GSK3B: variants seen among roughly 807,000 people sequenced by gnomAD.
The protein encoded by GSK3B is glycogen synthase kinase 3 beta.
GSK3B carries 15 observed loss-of-function variants against 56.4 expected under a neutral mutation model. That is an observed-to-expected ratio of 0.27 (90% CI 0.18 to 0.41). GSK3B has a LOEUF of 0.41. GSK3B is among the 10% of genes least tolerant of loss of function. The pLI is 1.00. For missense variants in GSK3B, 300 were observed against 513.4 expected, an observed-to-expected ratio of 0.58 and a Z score of 4.02; for synonymous variants, 181 against 188.9, an observed-to-expected ratio of 0.96 and a Z score of 0.34.
chr3:119,893,495 T>C (rs1041240895), intron 7 of GSK3B, among the ~76,000 whole-genome samples: 12 of 152,184 alleles, frequency 7.9e-5, no homozygotes, highest in African/African-American at 2.7e-4. Context: ...AAGGTATAGC[T>C]GCAGCAATAT....
chr3:119,862,752 CTGAA>C (rs2056124739), intron 9 of GSK3B, among the ~76,000 whole-genome samples: 3 of 144,430 alleles, frequency 2.1e-5, no homozygotes, highest in East Asian at 4.1e-4. Context: ...GGCGGTGTGA[CTGAA>C]TGAATGAATC....
At chr3:119,927,243 G>A (rs2056897320) in intron 3 of GSK3B, among the ~76,000 whole-genome samples, 1 of 152,070 alleles carries the variant, frequency 6.6e-6, no homozygotes, top group Admixed American at 6.5e-5. Flanking sequence ...TATCAATAAA[G>A]CTTGAAGAAA....
At chr3:119,863,636 A>T (rs1313358019) in intron 8 of GSK3B, 31 bp from the exon 9 acceptor site, 1 of 1,407,038 alleles carries the variant, frequency 7.1e-7, no homozygotes, top group South Asian at 1.2e-5. Context: ...AAGAACAATT[A>T]ATGTTTTATT....
chr3:120,081,364 T>C (rs985244035), intron 1 of GSK3B, among the ~76,000 whole-genome samples: 1 of 151,800 alleles, frequency 6.6e-6, no homozygotes, highest in Non-Finnish European at 1.5e-5. Flanking sequence ...CTGGTCAACA[T>C]GGTGAAACCC....
intron 1 of GSK3B, among the ~76,000 whole-genome samples, chr3:120,053,841 C>T (rs528091000): frequency 2.5e-4 from 38 of 152,240 alleles, no homozygotes; most frequent in Non-Finnish European, 4.4e-4. Flanking sequence ...CCATGTAAGC[C>T]GTGACTTGCT....
chr3:119,923,533 G>A (rs1449797952), intron 3 of GSK3B, 50 bp from the exon 4 acceptor site: 1 of 813,718 alleles, frequency 1.2e-6, no homozygotes, highest in African/African-American at 1.7e-5. Context: ...TTAGAAACTG[G>A]TCTTTAAATA....
At chr3:120,075,204 CA>C (rs532830767) in intron 1 of GSK3B, among the ~76,000 whole-genome samples, 91 of 152,240 alleles carry the variant, frequency 6.0e-4, no homozygotes, top group African/African-American at 2.0e-3. Flanking sequence ...AACTCTTTAA[CA>C]GTTTAAATAT....
At chr3:119,942,785 A>T (rs1263317661) in intron 3 of GSK3B, among the ~76,000 whole-genome samples, 2 of 152,174 alleles carry the variant, frequency 1.3e-5, no homozygotes, top group South Asian at 2.1e-4. Flanking sequence ...AAAAAGAGAA[A>T]GACTATTCTG....
intron 7 of GSK3B, among the ~76,000 whole-genome samples, chr3:119,883,237 TAAAAAATAC>T (rs547587603): frequency 6.0e-4 from 91 of 152,184 alleles, no homozygotes; most frequent in African/African-American, 2.0e-3. Flanking sequence ...TACAACATAT[TAAAAAATAC>T]TAAAAATTCA....
chr3:119,883,594 A>C (rs1171704632), intron 7 of GSK3B, among the ~76,000 whole-genome samples: 1 of 152,156 alleles, frequency 6.6e-6, no homozygotes, highest in Non-Finnish European at 1.5e-5. Context: ...AACCACAAAC[A>C]AAAGTTTATT....
intron 3 of GSK3B, among the ~76,000 whole-genome samples, chr3:119,942,955 A>G (rs1200354230): frequency 6.6e-6 from 1 of 152,228 alleles, no homozygotes; most frequent in African/African-American, 2.4e-5. Context: ...AATTGACTAC[A>G]TGATGCTCTA....
chr3:119,849,327 GAAC>G (rs886098156), intron 9 of GSK3B, among the ~76,000 whole-genome samples: 1 of 152,088 alleles, frequency 6.6e-6, no homozygotes, highest in Non-Finnish European at 1.5e-5. Context: ...AAATTGACAA[GAAC>G]AACTGAAAAA....
intron 1 of GSK3B, among the ~76,000 whole-genome samples, chr3:120,074,506 C>T (rs560185347): frequency 1.4e-4 from 22 of 152,032 alleles, no homozygotes; most frequent in Admixed American, 1.2e-3. Context: ...TGCGCACCAC[C>T]ACACCCGGCT....
chr3:119,957,221 T>A (rs577136216), intron 2 of GSK3B, among the ~76,000 whole-genome samples: 1 of 152,354 alleles, frequency 6.6e-6, no homozygotes, highest in Non-Finnish European at 1.5e-5. Flanking sequence ...GTTAAAATTT[T>A]AAATTATAGT....
chr3:120,064,981 G>T (rs549639974), intron 1 of GSK3B, among the ~76,000 whole-genome samples: 82 of 152,244 alleles, frequency 5.4e-4, no homozygotes, highest in African/African-American at 1.9e-3. Flanking sequence ...AACTCAAAAT[G>T]GATCAGAGAC....
chr3:120,041,510 G>C, intron 1 of GSK3B: 1 of 233,652 alleles, frequency 4.3e-6, no homozygotes, highest in Non-Finnish European at 9.1e-6. Context: ...GACCAGAAAA[G>C]AACTTTGATT....
intron 3 of GSK3B, among the ~76,000 whole-genome samples, chr3:119,931,200 G>T (rs905458513): frequency 6.6e-6 from 1 of 152,138 alleles, no homozygotes; most frequent in Admixed American, 6.5e-5. Flanking sequence ...AGAAGACCAG[G>T]ATTCAGCATT....
intron 1 of GSK3B, among the ~76,000 whole-genome samples, chr3:120,026,246 A>G (rs1470159847): frequency 6.6e-6 from 1 of 152,212 alleles, no homozygotes; most frequent in Non-Finnish European, 1.5e-5. Flanking sequence ...CCAAATATCA[A>G]GCAAGGGATG....
At chr3:119,838,590 G>A (rs2055727453) in intron 10 of GSK3B, among the ~76,000 whole-genome samples, 1 of 152,122 alleles carries the variant, frequency 6.6e-6, no homozygotes, top group Non-Finnish European at 1.5e-5. Context: ...AAATTAGGAT[G>A]AGTATTTCCA....
Sources: gnomAD v4.1 joint callset for allele counts (sites outside exome capture counted in the v4.1 genomes callset) on GRCh38, gnomAD v4.1.1 for gene constraint, MANE v1.5 for transcripts, NCBI Gene and HGNC (gene_info 2026-07-23, HGNC 2026-07-21) for gene names.